COL6A5: variants seen among roughly 807,000 people sequenced by gnomAD.
COL6A5 encodes the protein collagen type VI alpha 5 chain, also known as collagen alpha-5(VI) chain.
Under a neutral mutation model 65.6 loss-of-function variants are expected in COL6A5, and 48 were observed. The observed-to-expected ratio is 0.73, with a 90% CI of 0.58 to 0.93. COL6A5 has a LOEUF of 0.93. Ranked by LOEUF, COL6A5 falls within the 40% of genes least tolerant of loss-of-function variation. COL6A5 has a pLI of 0.00. For synonymous variants in COL6A5, 291 were observed against 322.8 expected (o/e 0.90, Z 1.05); for missense variants, 914 against 928.3 (o/e 0.98, Z 0.20).
At chr3:130,376,418 T>C in exon 3 of COL6A5, 1 of 1,613,350 alleles carries the variant, frequency 6.2e-7, no homozygotes, top group Non-Finnish European at 8.5e-7. Context: ...GTGAATTCCA[T>C]CTGAGCACCT....
intron 4 of COL6A5, among the ~76,000 whole-genome samples, chr3:130,443,818 C>T (rs1348231771): frequency 3.3e-5 from 5 of 152,056 alleles, no homozygotes; most frequent in African/African-American, 1.2e-4. Flanking sequence ...TTGAAATTTA[C>T]CCCAGAATAG....
At chr3:130,356,420 G>A (rs373377668) in intron 1 of COL6A5, among the ~76,000 whole-genome samples, 1 of 152,080 alleles carries the variant, frequency 6.6e-6, no homozygotes, top group Non-Finnish European at 1.5e-5. Flanking sequence ...CTATCATCAG[G>A]AGCAAATATT....
intron 23 of COL6A5, 151 bp from the exon 24 acceptor site, chr3:130,416,606 A>G: frequency 1.6e-6 from 1 of 637,632 alleles, no homozygotes; most frequent in Non-Finnish European, 2.8e-6. Context: ...CAGCTCTGCC[A>G]TCTGCTTCTC....
upstream of COL6A5, chr3:130,429,525 G>T: frequency 6.6e-7 from 1 of 1,513,750 alleles, no homozygotes; most frequent in East Asian, 2.5e-5. Flanking sequence ...ACTATTTTTA[G>T]TCTTGTTTCA....
At chr3:130,380,115 G>A in intron 4 of COL6A5, 65 bp downstream of exon 4, 1 of 1,177,324 alleles carries the variant, frequency 8.5e-7, no homozygotes, top group African/African-American at 1.6e-5. Flanking sequence ...GGACTAGGGT[G>A]GGAGTGAGGA....
intron 1 of COL6A5, among the ~76,000 whole-genome samples, chr3:130,364,668 A>G (rs1340733930): frequency 6.6e-6 from 1 of 152,196 alleles, no homozygotes; most frequent in Non-Finnish European, 1.5e-5. Context: ...TCAGCCTTGA[A>G]GCAGAGGGAA....
intron 1 of COL6A5, among the ~76,000 whole-genome samples, chr3:130,360,046 A>G (rs1465183820): frequency 6.6e-6 from 1 of 152,108 alleles, no homozygotes; most frequent in African/African-American, 2.4e-5. Context: ...AAAATTACCA[A>G]ATAACCAATA....
chr3:130,421,490 T>C (rs1937517020), intron 27 of COL6A5, 130 bp downstream of exon 27: 1 of 828,536 alleles, frequency 1.2e-6, no homozygotes, highest in African/African-American at 1.7e-5. Context: ...TCCTTGGGCT[T>C]CCTGAGGAAA....
chr3:130,478,085 G>T (rs542880690), intron 7 of COL6A5, among the ~76,000 whole-genome samples: 3 of 152,030 alleles, frequency 2.0e-5, no homozygotes, highest in Non-Finnish European at 1.5e-5. Context: ...ATGTCACATT[G>T]CCTCTCTGAG....
intron 5 of COL6A5, among the ~76,000 whole-genome samples, chr3:130,461,777 A>G (rs1285738174): frequency 1.1e-4 from 17 of 149,738 alleles, no homozygotes; most frequent in Admixed American, 1.1e-3. Context: ...TTTTTTTTTA[A>G]AAAAAACCTT....
chr3:130,397,623 T>C (rs1936646326), exon 9 of COL6A5: 1 of 1,551,384 alleles, frequency 6.4e-7, no homozygotes, highest in African/African-American at 1.4e-5. Context: ...ACATCTCCAC[T>C]CATGTGCAGG....
intron 3 of COL6A5, among the ~76,000 whole-genome samples, 183 bp downstream of exon 35, chr3:130,441,008 T>C (rs1709169197): frequency 6.6e-6 from 1 of 152,154 alleles, no homozygotes; most frequent in Non-Finnish European, 1.5e-5. Context: ...CACAAAATGG[T>C]GAGGCCTGAG....
chr3:130,382,671 T>G (rs1936039353), intron 4 of COL6A5, among the ~76,000 whole-genome samples: 1 of 152,100 alleles, frequency 6.6e-6, no homozygotes, highest in African/African-American at 2.4e-5. Context: ...TGGCCAGCTT[T>G]GCAATTTCAG....
At chr3:130,385,490 T>C (rs2107647409) in intron 5 of COL6A5, 126 bp downstream of exon 5, 1 of 1,008,962 alleles carries the variant, frequency 9.9e-7, no homozygotes, top group Non-Finnish European at 1.4e-6. Flanking sequence ...GCTTCCTTTA[T>C]TACCATGGAG....
At chr3:130,394,757 T>C in intron 7 of COL6A5, 133 bp from the exon 8 acceptor site, 1 of 646,092 alleles carries the variant, frequency 1.5e-6, no homozygotes, top group Non-Finnish European at 2.6e-6. Context: ...AGTGATTCTC[T>C]CTCTTGTTAA....
chr3:130,443,120 C>T (rs746882491), intron 3 of COL6A5, among the ~76,000 whole-genome samples: 2 of 152,068 alleles, frequency 1.3e-5, no homozygotes, highest in Non-Finnish European at 2.9e-5. Flanking sequence ...CTGTTTGATC[C>T]GTTAGCGTAA....
At chr3:130,426,486 C>A, upstream of COL6A5, 1 of 1,355,634 alleles carries the variant, frequency 7.4e-7, no homozygotes, top group South Asian at 1.3e-5. Context: ...TATGTGAGAT[C>A]AGTAGGATGA....
intron 3 of COL6A5, among the ~76,000 whole-genome samples, chr3:130,442,508 T>C (rs1265468705): frequency 2.0e-5 from 3 of 152,216 alleles, no homozygotes; most frequent in Non-Finnish European, 4.4e-5. Context: ...AGTAGCCTAC[T>C]GTTGACTTCC....
intron 24 of COL6A5, 120 bp from the exon 25 acceptor site, chr3:130,418,749 T>A: frequency 1.4e-6 from 1 of 740,678 alleles, no homozygotes; most frequent in Non-Finnish European, 2.4e-6. Flanking sequence ...CTCATCCCCT[T>A]AGTGAGCACT....
Sources: gnomAD v4.1 joint callset for allele counts (sites outside exome capture counted in the v4.1 genomes callset) on GRCh38, gnomAD v4.1.1 for gene constraint, MANE v1.5 for transcripts, NCBI Gene and HGNC (gene_info 2026-07-23, HGNC 2026-07-21) for gene names.